TPTE: variants seen among roughly 807,000 people sequenced by gnomAD.
TPTE encodes the protein putative tyrosine-protein phosphatase TPTE.
A neutral mutation model predicts 84.1 loss-of-function variants in TPTE; 59 were observed. That is an observed-to-expected ratio of 0.70 (90% CI 0.57 to 0.87). The LOEUF (loss-of-function observed/expected upper bound fraction) is 0.87, where lower values mean the gene tolerates loss of function less well. Among genes scored for constraint, TPTE ranks in the 40% least tolerant of loss-of-function variants. TPTE has a pLI of 0.00. For missense variants in TPTE, 382 were observed against 659.6 expected (o/e 0.58, Z 4.61); for synonymous variants, 130 against 223.5 (o/e 0.58, Z 3.73).
rs1204422136 is a variant in TPTE at position 10,543,296 on chromosome 21, T to G, written c.120-33T>G. ...ATCCACCCGCCTCGGCCTCCCAAAG[T>G]GCTGCTGACTGTATTCTTTTATCAT... On this transcript the variant is annotated intron_variant, in intron 6 of 23. Transcript: ENST00000618007. The G allele has an allele frequency of 3.2e-5, 28 of 874,550 alleles. 1 individual carries two copies. Among genetic ancestry groups the G allele is most frequent in the Non-Finnish European group, 4.0e-5 (28 of 706,486 alleles). The allele number at this position is 874,550 out of a possible 1,614,324, so 54.2% of individuals were successfully genotyped here.
intron 7 of TPTE, among the ~76,000 whole-genome samples, chr21:10,551,310 T>C (rs1224211287): frequency 3.5e-5 from 5 of 144,700 alleles, no homozygotes; most frequent in African/African-American, 1.2e-4. Context: ...GGGGGAGGGA[T>C]AGCATTAGGA....
At chr21:10,554,324 G>A (rs531142122) in intron 8 of TPTE, among the ~76,000 whole-genome samples, 5 of 152,294 alleles carry the variant, frequency 3.3e-5, no homozygotes, top group African/African-American at 9.6e-5. Context: ...TATATTGTTG[G>A]TTATTTGCTT....
chr21:10,528,356 T>C (rs1280873293), intron 3 of TPTE, among the ~76,000 whole-genome samples: 1 of 152,308 alleles, frequency 6.6e-6, no homozygotes, highest in African/African-American at 2.4e-5. Context: ...GAATTCAGGT[T>C]TGTGAAATTC....
At chr21:10,565,029 TA>T (rs1288817211) in intron 10 of TPTE, among the ~76,000 whole-genome samples, 1 of 152,292 alleles carries the variant, frequency 6.6e-6, no homozygotes, top group South Asian at 2.1e-4. Flanking sequence ...AGAAAGGGAA[TA>T]AAAAAAGAAA....
At chr21:10,585,985 A>G (rs2075356794) in intron 17 of TPTE, among the ~76,000 whole-genome samples, 1 of 152,302 alleles carries the variant, frequency 6.6e-6, no homozygotes, top group African/African-American at 2.4e-5. Flanking sequence ...GAGTAGTCTT[A>G]CCACGGATTT....
chr21:10,542,022 A>G (rs557547216), intron 5 of TPTE, among the ~76,000 whole-genome samples: 112 of 152,386 alleles, frequency 7.3e-4, no homozygotes, highest in African/African-American at 2.5e-3. Context: ...CTGGGTGAAC[A>G]TAAGGAGCTA....
intron 10 of TPTE, among the ~76,000 whole-genome samples, chr21:10,564,744 A>G (rs78637265): frequency 9.0e-3 from 1,373 of 151,798 alleles, no homozygotes; most frequent in East Asian, 0.032. Flanking sequence ...AGTAAAGGAT[A>G]AAAACCATAA....
At chr21:10,553,709 A>AT (rs1255741264) in intron 8 of TPTE, among the ~76,000 whole-genome samples, 3 of 152,306 alleles carry the variant, frequency 2.0e-5, no homozygotes, top group African/African-American at 7.2e-5. Context: ...TAACAGGGGG[A>AT]TGATATTGGA....
Position 10,570,420 on chromosome 21 carries a change from A to AT in TPTE, c.731-65_731-64insT, listed in dbSNP as rs2075018547. 220 of 1,604,206 alleles carry AT rather than the reference A, an allele frequency of 1.4e-4. No homozygotes were observed. The African/African-American group carries it at 2.5e-3, about 18-fold the overall frequency. On this transcript the variant is annotated intron_variant, in intron 13 of 23. Coordinates refer to ENST00000618007, the MANE Select transcript of TPTE (RefSeq NM_199261.4). ...AATGGAATCTGATCATGTATAAATT[A>AT]ATTTTTTTGTATGTTGTATGAAATC...
intron 14 of TPTE, among the ~76,000 whole-genome samples, chr21:10,573,642 AC>A (rs1184425977): frequency 3.9e-5 from 6 of 152,428 alleles, no homozygotes; most frequent in African/African-American, 1.4e-4. Context: ...TTTGATCATT[AC>A]ACATTGTATA....
intron 17 of TPTE, among the ~76,000 whole-genome samples, chr21:10,581,762 T>G (rs1302514005): frequency 3.3e-5 from 5 of 152,304 alleles, no homozygotes; most frequent in Admixed American, 3.3e-4. Flanking sequence ...AGACATGATC[T>G]CGCTGTGTCA....
chr21:10,561,687 C>G (rs1406731784), intron 10 of TPTE, among the ~76,000 whole-genome samples: 1 of 152,302 alleles, frequency 6.6e-6, no homozygotes, highest in Non-Finnish European at 1.5e-5. Flanking sequence ...AGGACTGCAT[C>G]TTGTGGTTTG....
intron 19 of TPTE, among the ~76,000 whole-genome samples, chr21:10,594,130 CTT>C (rs1335879623): frequency 5.5e-4 from 83 of 152,252 alleles, no homozygotes; most frequent in African/African-American, 1.9e-3. Context: ...AAGAGCCACT[CTT>C]TGACTTTTCC....
intron 3 of TPTE, among the ~76,000 whole-genome samples, chr21:10,534,246 G>A (rs543288544): frequency 6.6e-6 from 1 of 152,306 alleles, no homozygotes; most frequent in African/African-American, 2.4e-5. Context: ...TCTCTGGTTT[G>A]TAACCTGGGC....
intron 10 of TPTE, among the ~76,000 whole-genome samples, chr21:10,565,075 G>A (rs1246899097): frequency 1.3e-5 from 2 of 152,304 alleles, no homozygotes; most frequent in Non-Finnish European, 2.9e-5. Context: ...AATTATCCCT[G>A]TGTTTGCAGA....
At chr21:10,549,376 A>G (rs1316826556) in intron 7 of TPTE, among the ~76,000 whole-genome samples, 2 of 152,308 alleles carry the variant, frequency 1.3e-5, no homozygotes, top group Non-Finnish European at 2.9e-5. Flanking sequence ...GAACCTAATC[A>G]TAAACATATG....
intron 10 of TPTE, among the ~76,000 whole-genome samples, chr21:10,562,998 T>TA (rs1238498656): frequency 6.6e-6 from 1 of 152,310 alleles, no homozygotes; most frequent in Non-Finnish European, 1.5e-5. Flanking sequence ...AAAAGGATCT[T>TA]AAAAGCAGCA....
intron 9 of TPTE, among the ~76,000 whole-genome samples, 155 bp from the exon 10 acceptor site, chr21:10,560,875 C>A (rs1180722603): frequency 6.6e-6 from 1 of 152,310 alleles, no homozygotes; most frequent in Non-Finnish European, 1.5e-5. Flanking sequence ...TTCTGAGATT[C>A]TAAGGCATTA....
intron 8 of TPTE, among the ~76,000 whole-genome samples, chr21:10,559,032 A>G (rs1198880760): frequency 1.3e-5 from 2 of 152,312 alleles, no homozygotes; most frequent in Non-Finnish European, 2.9e-5. Context: ...TAGTTCGAGG[A>G]GATGACAAGA....
Sources: gnomAD v4.1 joint callset for allele counts (sites outside exome capture counted in the v4.1 genomes callset) on GRCh38, gnomAD v4.1.1 for gene constraint, MANE v1.5 for transcripts, NCBI Gene and HGNC (gene_info 2026-07-23, HGNC 2026-07-21) for gene names.